The following ARHGAP22 variants were observed in gnomAD, a reference collection of about 807,000 sequenced individuals.
ARHGAP22 encodes Rho GTPase activating protein 22.
ARHGAP22 carries 48 observed loss-of-function variants against 59.1 expected under a neutral mutation model. The ratio of observed to expected loss-of-function variants is 0.81; its 90% CI spans 0.64 to 1.03. ARHGAP22 has a LOEUF of 1.03. ARHGAP22 is among the 50% of genes least tolerant of loss of function. The pLI, the probability that ARHGAP22 is intolerant of heterozygous loss-of-function variation, is 0.00. For synonymous variants in ARHGAP22, 445 were observed against 416.4 expected, an observed-to-expected ratio of 1.07 and a Z score of -0.84; for missense variants, 1,015 against 958.7, an observed-to-expected ratio of 1.06 and a Z score of -0.78.
Position 48,592,809 on chromosome 10 carries a change from C to T in ARHGAP22, c.35-9657G>A, listed in dbSNP as rs565600740. Among the ~76,000 whole-genome samples, 81 of 152,350 alleles carry T rather than the reference C, an allele frequency of 5.3e-4. 2 individuals carry two copies. In the South Asian group the frequency reaches 9.5e-3, roughly 18 times the overall value. Reference sequence around the variant, plus strand: ...AGTGGATACCCCATCCTCAGATATTCCCTGCTCCCAGCTGCTTTGTTTCTC... The same window carrying T: ...AGTGGATACCCCATCCTCAGATATTTCCTGCTCCCAGCTGCTTTGTTTCTC... On this transcript the variant is annotated intron_variant, in intron 1 of 9. Coordinates refer to ENST00000249601, the MANE Select transcript of ARHGAP22 (RefSeq NM_021226.4).
chr10:48,450,063 AGACT>A (rs1427858686), intron 9 of ARHGAP22, among the ~76,000 whole-genome samples, 194 bp downstream of exon 9: 9 of 145,248 alleles, frequency 6.2e-5, no homozygotes, highest in African/African-American at 2.6e-4. Context: ...ACTGCGTGCC[AGACT>A]GACTGCGTGC....
At chr10:48,536,920 A>G (rs1035054674) in intron 3 of ARHGAP22, among the ~76,000 whole-genome samples, 1 of 152,126 alleles carries the variant, frequency 6.6e-6, no homozygotes, top group Non-Finnish European at 1.5e-5. Flanking sequence ...TTCCTCCCCA[A>G]GCTCTCTCAA....
intron 1 of ARHGAP22, among the ~76,000 whole-genome samples, chr10:48,585,244 G>A (rs1311786691): frequency 6.6e-6 from 1 of 152,162 alleles, no homozygotes; most frequent in South Asian, 2.1e-4. Flanking sequence ...CACAGCTGTA[G>A]CACATTTGCT....
chr10:48,628,073 T>TC (rs2061509717), intron 1 of ARHGAP22, among the ~76,000 whole-genome samples: 1 of 152,218 alleles, frequency 6.6e-6, no homozygotes, highest in Non-Finnish European at 1.5e-5. Context: ...ACATCTGGCC[T>TC]CCTTCTCTTC....
chr10:48,607,136 T>A (rs2060709931), upstream of ARHGAP22, among the ~76,000 whole-genome samples: 1 of 152,210 alleles, frequency 6.6e-6, no homozygotes, highest in South Asian at 2.1e-4. Context: ...TAATGCAGCC[T>A]GGACCACTTC....
downstream of ARHGAP22, among the ~76,000 whole-genome samples, chr10:48,441,200 C>T (rs149294570): frequency 2.4e-4 from 36 of 152,184 alleles, no homozygotes; most frequent in African/African-American, 8.2e-4. Flanking sequence ...GCTTGTATGG[C>T]CCTTGCACTA....
At chr10:48,625,313 T>A (rs891512352) in intron 1 of ARHGAP22, among the ~76,000 whole-genome samples, 1 of 152,162 alleles carries the variant, frequency 6.6e-6, no homozygotes, top group Non-Finnish European at 1.5e-5. Flanking sequence ...GGAACTCTTA[T>A]AAGTATCTTA....
intron 2 of ARHGAP22, among the ~76,000 whole-genome samples, chr10:48,567,007 A>C (rs2058085212): frequency 6.6e-6 from 1 of 152,160 alleles, no homozygotes; most frequent in Admixed American, 6.5e-5. Context: ...GCCCTCAAGG[A>C]TCTTCAGGTC....
At chr10:48,551,642 C>T (rs941792724) in intron 3 of ARHGAP22, among the ~76,000 whole-genome samples, 3 of 152,232 alleles carry the variant, frequency 2.0e-5, no homozygotes, top group African/African-American at 4.8e-5. Context: ...CCTCTCAGTA[C>T]GCTTTATATA....
chr10:48,450,715 G>T lies in ARHGAP22; in HGVS notation c.1414C>A (p.Arg472Ser). The T allele has an allele frequency of 6.4e-7, 1 of 1,554,490 alleles. No homozygotes were observed. Among genetic ancestry groups the T allele is most frequent in the Non-Finnish European group, 8.7e-7 (1 of 1,149,354 alleles). ...MNGLSSLRGH[R>S]RASSGDRLKD... ...AGCCGGTCTCCCGACGAGGCCCGGC[G>T]GTGTCCGCGCAGGGAGGACAGCCCG... is the stretch of plus-strand genomic sequence containing the variant. Residue 472 changes from arginine (R) to serine (S), a missense_variant, in exon 9 of 10, where the codon CGC becomes AGC. By Grantham distance (110) the Arg-to-Ser change is moderately radical. Coordinates refer to ENST00000249601, the MANE Select transcript of ARHGAP22 (RefSeq NM_021226.4).
intron 1 of ARHGAP22, among the ~76,000 whole-genome samples, chr10:48,636,162 G>T (rs572432934): frequency 2.6e-5 from 4 of 152,348 alleles, no homozygotes; most frequent in East Asian, 1.9e-4. Context: ...AGGCTTGGGG[G>T]TTAAGGGGTT....
chr10:48,652,385 G>A, exon 1 of ARHGAP22: 4 of 969,866 alleles, frequency 4.1e-6, no homozygotes, highest in Non-Finnish European at 6.3e-6. Flanking sequence ...TCCAGTAACA[G>A]GAGATCCACA....
At chr10:48,644,516 G>A (rs2062207783) in intron 1 of ARHGAP22, among the ~76,000 whole-genome samples, 2 of 152,166 alleles carry the variant, frequency 1.3e-5, no homozygotes, top group Admixed American at 1.3e-4. Context: ...TTCTCTAGGA[G>A]AGACCTATGG....
intron 3 of ARHGAP22, among the ~76,000 whole-genome samples, chr10:48,485,921 G>A (rs186454101): frequency 6.6e-6 from 1 of 152,244 alleles, no homozygotes; most frequent in East Asian, 1.9e-4. Context: ...GTTGGGTCCT[G>A]CTTTTTATCC....
At chr10:48,638,756 C>T (rs1369160580) in intron 1 of ARHGAP22, among the ~76,000 whole-genome samples, 1 of 152,152 alleles carries the variant, frequency 6.6e-6, no homozygotes, top group Non-Finnish European at 1.5e-5. Context: ...TTCCCCTTCC[C>T]CTCCTAATTC....
intron 1 of ARHGAP22, among the ~76,000 whole-genome samples, chr10:48,601,190 A>G (rs2060358895): frequency 6.6e-6 from 1 of 152,228 alleles, no homozygotes; most frequent in East Asian, 1.9e-4. Context: ...CGCCAAGGGC[A>G]CATCCTGGGA....
chr10:48,496,958 G>T (rs1370151578), intron 3 of ARHGAP22, among the ~76,000 whole-genome samples: 2 of 152,144 alleles, frequency 1.3e-5, no homozygotes, highest in Non-Finnish European at 2.9e-5. Context: ...GGGTATACCG[G>T]ATTCCTTGGG....
At chr10:48,474,562 A>G (rs2048526793) in intron 4 of ARHGAP22, among the ~76,000 whole-genome samples, 1 of 152,166 alleles carries the variant, frequency 6.6e-6, no homozygotes, top group Admixed American at 6.5e-5. Flanking sequence ...GTATGTTATT[A>G]TCAGTGGGCT....
At chr10:48,640,120 A>G (rs2061983776) in intron 1 of ARHGAP22, among the ~76,000 whole-genome samples, 1 of 152,198 alleles carries the variant, frequency 6.6e-6, no homozygotes, top group Non-Finnish European at 1.5e-5. Flanking sequence ...GAGGAAGGAG[A>G]ATAAAGAACA....
Sources: allele counts gnomAD v4.1 joint callset (sites outside exome capture counted in the v4.1 genomes callset), GRCh38; gene constraint gnomAD v4.1.1; transcripts MANE v1.5; gene names NCBI Gene and HGNC (gene_info 2026-07-23, HGNC 2026-07-21).